Variants in RBPJ observed in about 807,000 individuals in gnomAD.
RBPJ encodes the protein recombination signal binding protein for immunoglobulin kappa J region.
Under a neutral mutation model 67.8 loss-of-function variants are expected in RBPJ, and 9 were observed. The observed-to-expected ratio is 0.13, with a 90% CI of 0.08 to 0.23. The LOEUF is 0.23. Ranked by LOEUF, RBPJ falls within the 10% of genes least tolerant of loss-of-function variation. The pLI is 1.00. For missense variants in RBPJ, 305 were observed against 595.6 expected (o/e 0.51, Z 5.08); for synonymous variants, 198 against 203.3 (o/e 0.97, Z 0.22).
intron 1 of RBPJ, among the ~76,000 whole-genome samples, chr4:26,198,423 GC>G (rs1717861985): frequency 2.0e-5 from 3 of 152,098 alleles, no homozygotes; most frequent in Admixed American, 6.5e-5. Flanking sequence ...CTAGAATGGT[GC>G]CTGGCACAAA....
chr4:26,340,361 C>A (rs1323669640), intron 1 of RBPJ, among the ~76,000 whole-genome samples: 1 of 152,140 alleles, frequency 6.6e-6, no homozygotes, highest in African/African-American at 2.4e-5. Flanking sequence ...ACAGTAAGAG[C>A]TGAAGTCAAG....
chr4:26,381,332 T>G (rs1279339123), intron 1 of RBPJ, among the ~76,000 whole-genome samples: 1 of 152,000 alleles, frequency 6.6e-6, no homozygotes, highest in African/African-American at 2.4e-5. Context: ...TGTATGCAGG[T>G]TTTTTACTTA....
chr4:26,116,685 CA>C, the RBPJ span, among the ~76,000 whole-genome samples: 1 of 152,232 alleles, frequency 6.6e-6, no homozygotes, highest in Non-Finnish European at 1.5e-5. Context: ...TCAACCCACA[CA>C]AGGTGCTGTA....
chr4:26,428,370 C>G (rs1409875738), intron 7 of RBPJ, among the ~76,000 whole-genome samples: 1 of 152,188 alleles, frequency 6.6e-6, no homozygotes, highest in African/African-American at 2.4e-5. Context: ...CCACAAGAGT[C>G]CTGCTAGATC....
Position 26,166,496 on chromosome 4 carries a change from T to G in RBPJ, c.-167+2882T>G, listed in dbSNP as rs1321761357. Reference sequence around the variant, plus strand: ...ATGATGAGCATTTTTTCATGTGTTTTTTGGCTGCATAAATGTCTTCTTTTG... The same window carrying G: ...ATGATGAGCATTTTTTCATGTGTTTGTTGGCTGCATAAATGTCTTCTTTTG... On this transcript the variant is annotated intron_variant, in intron 1 of 4. Transcript: ENST00000512351. 3.6e-4 allele frequency among the ~76,000 whole-genome samples: 51 copies of G among 141,806 alleles called. 1 individual carries two copies. The highest frequency in any genetic ancestry group is 2.3e-4 in the South Asian group (1 of 4,314). The allele number at this position is 141,806 out of a possible 152,430, so 93.0% of individuals were successfully genotyped here. A position where few individuals can be genotyped will look rare whatever the true frequency, so the allele number is the denominator to read the frequency against.
upstream of RBPJ, among the ~76,000 whole-genome samples, chr4:26,160,650 G>A (rs1347829512): frequency 6.6e-6 from 1 of 152,198 alleles, no homozygotes; most frequent in Non-Finnish European, 1.5e-5. Context: ...CTGGTAAGGA[G>A]GTTGATGGAG....
At chr4:26,199,013 C>A (rs1319469776) in intron 1 of RBPJ, among the ~76,000 whole-genome samples, 2 of 151,910 alleles carry the variant, frequency 1.3e-5, no homozygotes, top group Admixed American at 6.6e-5. Context: ...CAACCATCAC[C>A]ACCATTAATC....
chr4:26,316,593 A>G (rs1722641605), upstream of RBPJ, among the ~76,000 whole-genome samples: 1 of 104,874 alleles, frequency 9.5e-6, no homozygotes, highest in Admixed American at 9.2e-5. Context: ...ATTCATATAT[A>G]TAATATATAT....
At chr4:26,405,624 A>G in intron 2 of RBPJ, among the ~76,000 whole-genome samples, 1 of 152,044 alleles carries the variant, frequency 6.6e-6, no homozygotes, top group East Asian at 1.9e-4. Context: ...TATCCTTGAG[A>G]TAATTATGTA....
upstream of RBPJ, among the ~76,000 whole-genome samples, chr4:26,316,398 C>A (rs1022489272): frequency 1.5e-4 from 21 of 143,582 alleles, no homozygotes; most frequent in African/African-American, 5.1e-4. Context: ...TTCATATATA[C>A]ATTCATATAT....
intron 1 of RBPJ, among the ~76,000 whole-genome samples, chr4:26,385,205 GA>G (rs1001475228): frequency 1.1e-4 from 17 of 151,192 alleles, no homozygotes; most frequent in Admixed American, 2.0e-4. Flanking sequence ...ATTTTTAGTA[GA>G]GGCAGGGTTT....
intron 1 of RBPJ, among the ~76,000 whole-genome samples, chr4:26,177,435 G>T (rs935779117): frequency 9.2e-5 from 14 of 152,084 alleles, no homozygotes; most frequent in African/African-American, 3.4e-4. Flanking sequence ...AAATTAGCTG[G>T]GCCTAGTGTT....
intron 4 of RBPJ, among the ~76,000 whole-genome samples, chr4:26,417,031 G>A (rs2109790952): frequency 6.6e-6 from 1 of 152,266 alleles, no homozygotes; most frequent in East Asian, 1.9e-4. Flanking sequence ...ATATTTAAGT[G>A]GTGGGTTGAT....
chr4:26,215,402 G>GAAGGAAGGGA (rs779927576), intron 1 of RBPJ, among the ~76,000 whole-genome samples: 1 of 108,558 alleles, frequency 9.2e-6, no homozygotes, highest in Non-Finnish European at 1.8e-5. Context: ...AGGAAGGAAG[G>GAAGGAAGGGA]GGGGGGAAGG....
At chr4:26,293,260 G>A (rs951307383) in intron 1 of RBPJ, among the ~76,000 whole-genome samples, 2 of 149,820 alleles carry the variant, frequency 1.3e-5, no homozygotes, top group Non-Finnish European at 3.0e-5. Flanking sequence ...TTTACTAGGT[G>A]TTACCACTCA....
the RBPJ span, among the ~76,000 whole-genome samples, chr4:26,120,526 C>T: frequency 6.6e-6 from 1 of 152,134 alleles, no homozygotes; most frequent in Admixed American, 6.5e-5. Flanking sequence ...CATACATTCT[C>T]ATGGCCTTTC....
chr4:26,392,720 C>G (rs1731642308), intron 2 of RBPJ, among the ~76,000 whole-genome samples: 2 of 152,040 alleles, frequency 1.3e-5, no homozygotes, highest in African/African-American at 2.4e-5. Flanking sequence ...TTGTGAATAC[C>G]TTTATTTTGA....
At chr4:26,117,815 A>T in the RBPJ span, among the ~76,000 whole-genome samples, 1 of 152,202 alleles carries the variant, frequency 6.6e-6, no homozygotes, top group Non-Finnish European at 1.5e-5. Context: ...CACTATTAGC[A>T]CTTAAAATAA....
At chr4:26,360,595 C>CTT (rs11393982) in intron 1 of RBPJ, among the ~76,000 whole-genome samples, 1,865 of 133,660 alleles carry the variant, frequency 0.014, 51 homozygotes, top group African/African-American at 0.037. Flanking sequence ...TTCATAGGTG[C>CTT]TTTTTTTTTT....
Sources: allele counts gnomAD v4.1 joint callset (sites outside exome capture counted in the v4.1 genomes callset), GRCh38; gene constraint gnomAD v4.1.1; transcripts MANE v1.5; gene names NCBI Gene and HGNC (gene_info 2026-07-23, HGNC 2026-07-21).